SLCO1B3: variants seen among roughly 807,000 people sequenced by gnomAD.
The protein encoded by SLCO1B3 is liver-specific organic anion transporter 2.
A neutral mutation model predicts 71.8 loss-of-function variants in SLCO1B3; 72 were observed. The ratio of observed to expected loss-of-function variants is 1.00; its 90% CI spans 0.83 to 1.22. The LOEUF is 1.22. Ranked by LOEUF, SLCO1B3 falls within the 50% of genes most tolerant of loss-of-function variation. SLCO1B3 has a pLI of 0.00. For synonymous variants in SLCO1B3, 298 were observed against 278.4 expected (o/e 1.07, Z -0.70); for missense variants, 911 against 819.7 (o/e 1.11, Z -1.36).
In SLCO1B3 at chr12:20,867,856, A is replaced by G. The variant is rs185504283; in HGVS notation, c.727+5002A>G. 2.7e-3 allele frequency among the ~76,000 whole-genome samples: 408 copies of G among 152,130 alleles called. 2 individuals carry two copies. Among genetic ancestry groups the G allele is most frequent in the Non-Finnish European group, 4.4e-3 (301 of 67,978 alleles). ...GTAGAAATTATGATGTGTTTCTGTA[A>G]AGCCACACTGTGTGTACCTGCCTTT... On this transcript the variant is annotated intron_variant, in intron 8 of 15. Transcript: ENST00000381545.
At chr12:20,834,720 C>T (rs565530374) in intron 3 of SLCO1B3, among the ~76,000 whole-genome samples, 1 of 152,146 alleles carries the variant, frequency 6.6e-6, no homozygotes, top group Non-Finnish European at 1.5e-5. Flanking sequence ...TTGCAGGGAA[C>T]AACCCTCCTC....
At chr12:20,813,485 A>G (rs1034430628) in intron 1 of SLCO1B3, 39 bp from the exon 2 acceptor site, 1 of 152,184 alleles carries the variant, frequency 6.6e-6, no homozygotes, top group Non-Finnish European at 1.5e-5. Flanking sequence ...CCCATACTAT[A>G]AACTTCACAG....
intron 8 of SLCO1B3, among the ~76,000 whole-genome samples, chr12:20,871,733 C>T (rs963999614): frequency 2.6e-5 from 4 of 152,108 alleles, no homozygotes; most frequent in African/African-American, 9.7e-5. Context: ...TGTAGTCTTG[C>T]TCTTTCTGTG....
At chr12:20,897,363 A>G (rs2120362012) in intron 13 of SLCO1B3, among the ~76,000 whole-genome samples, 1 of 152,348 alleles carries the variant, frequency 6.6e-6, no homozygotes, top group East Asian at 1.9e-4. Flanking sequence ...CTGGCAAGGT[A>G]TAGAGGCAAA....
chr12:20,856,555 TTTTG>T (rs1273488179), intron 4 of SLCO1B3, among the ~76,000 whole-genome samples: 4 of 152,086 alleles, frequency 2.6e-5, no homozygotes, highest in African/African-American at 7.2e-5. Flanking sequence ...ATACTACATC[TTTTG>T]TTTGTTTGTT....
At chr12:20,856,363 G>A (rs1379846792) in intron 4 of SLCO1B3, among the ~76,000 whole-genome samples, 4 of 151,768 alleles carry the variant, frequency 2.6e-5, no homozygotes, top group Admixed American at 6.6e-5. Context: ...CCACACCCAC[G>A]GATGCAAGTC....
intron 3 of SLCO1B3, among the ~76,000 whole-genome samples, chr12:20,853,433 A>T (rs1865061995): frequency 6.6e-6 from 1 of 151,988 alleles, no homozygotes; most frequent in Admixed American, 6.5e-5. Context: ...CAGATTTTTA[A>T]AATTGAATCA....
At chr12:20,866,595 G>C (rs1332073579) in intron 8 of SLCO1B3, among the ~76,000 whole-genome samples, 1 of 152,078 alleles carries the variant, frequency 6.6e-6, no homozygotes, top group Non-Finnish European at 1.5e-5. Context: ...CCTCAAAAAA[G>C]TGTCAGTATA....
chr12:20,905,364 C>A (rs757283190), intron 15 of SLCO1B3, among the ~76,000 whole-genome samples: 59 of 152,310 alleles, frequency 3.9e-4, no homozygotes, highest in Non-Finnish European at 1.5e-4. Context: ...ATGCAAATTT[C>A]TACAGCAGGC....
At chr12:20,882,279 T>C (rs1361929728) in intron 12 of SLCO1B3, among the ~76,000 whole-genome samples, 3 of 152,350 alleles carry the variant, frequency 2.0e-5, no homozygotes, top group Non-Finnish European at 4.4e-5. Context: ...TAATGCTCTC[T>C]GTATCAAAGT....
Position 20,875,379 on chromosome 12 carries a change from A to C in SLCO1B3, c.872A>C (p.Lys291Thr), listed in dbSNP as rs200068079. 4.3e-6 allele frequency: 7 copies of C among 1,612,590 alleles called. No individual in the cohort carries two copies. The highest frequency in any genetic ancestry group is 5.9e-6 in the Non-Finnish European group (7 of 1,179,390). The change falls in exon 9 of 16, where the codon AAA becomes ACA. Residue 291 changes from lysine (K) to threonine (T), a missense_variant. Physicochemically the swap from Lys to Thr is moderately conservative, Grantham distance 78 (BLOSUM62 -1). Coordinates refer to ENST00000381545, the MANE Select transcript of SLCO1B3 (RefSeq NM_019844.4). ...CCAAATAAACCACAAAAAGAAAGAA[A>C]AATTTCACTATCATTGCATGTGCTG... is the stretch of plus-strand genomic sequence containing the variant. The part of the protein sequence containing the change: ...KNPNKPQKER[K>T]ISLSLHVLKT...
chr12:20,816,553 G>A (rs974276194), intron 3 of SLCO1B3, among the ~76,000 whole-genome samples: 2 of 152,142 alleles, frequency 1.3e-5, no homozygotes, highest in Non-Finnish European at 2.9e-5. Flanking sequence ...TAGCTGAATA[G>A]TACTCCATTG....
intron 14 of SLCO1B3, among the ~76,000 whole-genome samples, chr12:20,899,109 G>T (rs572644138): frequency 6.6e-6 from 1 of 152,308 alleles, no homozygotes; most frequent in East Asian, 1.9e-4. Flanking sequence ...GTTTATGGTG[G>T]CAAGGGTAGG....
intron 10 of SLCO1B3, among the ~76,000 whole-genome samples, chr12:20,878,503 CT>C (rs1377383417): frequency 6.6e-6 from 1 of 152,130 alleles, no homozygotes; most frequent in Non-Finnish European, 1.5e-5. Flanking sequence ...TCTTATATCC[CT>C]TTTCCCACAA....
intron 8 of SLCO1B3, among the ~76,000 whole-genome samples, chr12:20,873,054 A>C (rs1452415351): frequency 6.6e-6 from 1 of 152,110 alleles, no homozygotes; most frequent in Non-Finnish European, 1.5e-5. Context: ...AAGTTTGAAT[A>C]TTTGGCATGC....
chr12:20,915,796 G>GT (rs531369340), intron 15 of SLCO1B3, among the ~76,000 whole-genome samples: 1 of 152,080 alleles, frequency 6.6e-6, no homozygotes, highest in Non-Finnish European at 1.5e-5. Flanking sequence ...GACAGCTGGG[G>GT]TTTAGTTTCT....
At chr12:20,858,684 G>T in intron 5 of SLCO1B3, 113 bp downstream of exon 5, 1 of 920,806 alleles carries the variant, frequency 1.1e-6, no homozygotes, top group Non-Finnish European at 1.6e-6. Flanking sequence ...AATACCTATA[G>T]GTATGCATAG....
chr12:20,859,496 T>TCCCCC (rs1565592106), intron 5 of SLCO1B3, among the ~76,000 whole-genome samples: 8 of 146,958 alleles, frequency 5.4e-5, no homozygotes, highest in African/African-American at 1.2e-4. Context: ...TTTTTCCCCC[T>TCCCCC]CTACATTTGG....
At chr12:20,858,416 A>G in intron 4 of SLCO1B3, 23 bp from the exon 5 acceptor site, 1 of 1,515,126 alleles carries the variant, frequency 6.6e-7, no homozygotes, top group South Asian at 1.1e-5. Context: ...AGTCATATCA[A>G]CATAATTTTG....
Sources: allele counts gnomAD v4.1 joint callset (sites outside exome capture counted in the v4.1 genomes callset), GRCh38; gene constraint gnomAD v4.1.1; transcripts MANE v1.5; gene names NCBI Gene and HGNC (gene_info 2026-07-23, HGNC 2026-07-21).